The following PPARGC1B variants were observed in gnomAD, a reference collection of about 807,000 sequenced individuals.
PPARGC1B encodes the protein PPARG coactivator 1 beta, also known as peroxisome proliferator-activated receptor gamma coactivator 1-beta.
Under a neutral mutation model 101.6 loss-of-function variants are expected in PPARGC1B, and 34 were observed. The observed-to-expected ratio is 0.33, with a 90% confidence interval of 0.25 to 0.45. PPARGC1B has a LOEUF of 0.45. PPARGC1B is among the 20% of genes least tolerant of loss of function. PPARGC1B has a pLI of 1.00. For synonymous variants in PPARGC1B, 548 were observed against 539.3 expected, an observed-to-expected ratio of 1.02 and a Z score of -0.22; for missense variants, 1,234 against 1,317.6, an observed-to-expected ratio of 0.94 and a Z score of 0.98.
chr5:149,740,815 T>C (rs1053730915), intron 1 of PPARGC1B, among the ~76,000 whole-genome samples: 1 of 152,200 alleles, frequency 6.6e-6, no homozygotes, highest in Non-Finnish European at 1.5e-5. Flanking sequence ...ACCTGACATA[T>C]AGTAAGCGCT....
chr5:149,741,078 G>C (rs745371281), intron 1 of PPARGC1B, among the ~76,000 whole-genome samples: 7 of 152,152 alleles, frequency 4.6e-5, no homozygotes, highest in African/African-American at 9.7e-5. Flanking sequence ...GGACTCAACT[G>C]TCTGGGACCC....
intron 4 of PPARGC1B, 148 bp downstream of exon 4, chr5:149,831,031 T>G: frequency 1.5e-6 from 1 of 668,898 alleles, no homozygotes; most frequent in Non-Finnish European, 2.7e-6. Context: ...TGGGCACTGC[T>G]TCTGGAGATC....
chr5:149,792,596 T>C (rs1260977331), intron 1 of PPARGC1B, among the ~76,000 whole-genome samples: 1 of 152,230 alleles, frequency 6.6e-6, no homozygotes, highest in Non-Finnish European at 1.5e-5. Flanking sequence ...TTTGCTTCTC[T>C]TTTAAATCTT....
chr5:149,773,345 G>C (rs1288052209), intron 1 of PPARGC1B, among the ~76,000 whole-genome samples: 1 of 152,380 alleles, frequency 6.6e-6, no homozygotes, highest in East Asian at 1.9e-4. Context: ...CTGCCGGCCT[G>C]TCTGCCATGT....
intron 1 of PPARGC1B, among the ~76,000 whole-genome samples, chr5:149,748,552 C>G (rs896279637): frequency 6.6e-6 from 1 of 152,132 alleles, no homozygotes; most frequent in Non-Finnish European, 1.5e-5. Flanking sequence ...CCTGGATGAA[C>G]AGATCTGCTG....
rs138687910 is a variant in PPARGC1B, at chr5:149,829,949, C to T, written c.466-818C>T. 3.2e-3 allele frequency among the ~76,000 whole-genome samples: 451 copies of T among 143,132 alleles called. 3 individuals carry two copies. The highest frequency in any genetic ancestry group is 0.011 in the African/African-American group (411 of 38,344). 93.9% of individuals were successfully genotyped at this position (143,132 alleles called of 152,430 possible). A position where few individuals can be genotyped will look rare whatever the true frequency, so the allele number is the denominator to read the frequency against. On this transcript the variant is annotated intron_variant, in intron 3 of 11. Coordinates refer to ENST00000309241, the MANE Select transcript of PPARGC1B (RefSeq NM_133263.4). The stretch of plus-strand genomic sequence containing the variant: ...ACTTGGGAGGCTGAGGCAGGAGAAT[C>T]GCTTGAACCCGTGAGGTGGAGGTTG...
intron 1 of PPARGC1B, among the ~76,000 whole-genome samples, chr5:149,770,763 TC>T (rs765437673): frequency 6.6e-6 from 1 of 151,602 alleles, no homozygotes; most frequent in Non-Finnish European, 1.5e-5. Flanking sequence ...GCCCAGGAGT[TC>T]GAGGCTTCAG....
intron 1 of PPARGC1B, among the ~76,000 whole-genome samples, chr5:149,775,072 T>C (rs1335713462): frequency 6.6e-6 from 1 of 152,074 alleles, no homozygotes; most frequent in Non-Finnish European, 1.5e-5. Flanking sequence ...GCTGTGTTCA[T>C]TGGCAGCTGA....
At chr5:149,754,121 A>G (rs1755420987) in intron 1 of PPARGC1B, among the ~76,000 whole-genome samples, 1 of 152,258 alleles carries the variant, frequency 6.6e-6, no homozygotes, top group African/African-American at 2.4e-5. Context: ...ACAGCATGTT[A>G]TTAGACTTCG....
intron 1 of PPARGC1B, among the ~76,000 whole-genome samples, chr5:149,765,754 G>T (rs547315053): frequency 1.3e-5 from 2 of 151,712 alleles, no homozygotes; most frequent in African/African-American, 4.8e-5. Flanking sequence ...CCAGCTACTC[G>T]GGAGGCTGAG....
At chr5:149,801,076 G>A (rs1757414066) in intron 1 of PPARGC1B, among the ~76,000 whole-genome samples, 1 of 152,136 alleles carries the variant, frequency 6.6e-6, no homozygotes, top group African/African-American at 2.4e-5. Flanking sequence ...TAGGGGATGA[G>A]GAGAGAGAGA....
At chr5:149,768,133 A>G (rs1755987089) in intron 1 of PPARGC1B, among the ~76,000 whole-genome samples, 1 of 152,080 alleles carries the variant, frequency 6.6e-6, no homozygotes, top group Admixed American at 6.6e-5. Flanking sequence ...AGGATGTTGG[A>G]AATAGAAGCA....
At chr5:149,830,258 T>C (rs1052700911) in intron 3 of PPARGC1B, among the ~76,000 whole-genome samples, 1 of 151,270 alleles carries the variant, frequency 6.6e-6, no homozygotes, top group Non-Finnish European at 1.5e-5. Context: ...TTTTTTTTTT[T>C]AATCATTTAC....
intron 1 of PPARGC1B, among the ~76,000 whole-genome samples, chr5:149,755,164 C>T (rs1755471432): frequency 6.6e-6 from 1 of 151,280 alleles, no homozygotes; most frequent in South Asian, 2.1e-4. Context: ...CCACCTTGGC[C>T]TCCCAAAGTG....
intron 1 of PPARGC1B, among the ~76,000 whole-genome samples, chr5:149,806,110 C>T (rs1305881438): frequency 3.3e-5 from 5 of 152,324 alleles, no homozygotes; most frequent in South Asian, 4.1e-4. Flanking sequence ...TCTGGCCTGC[C>T]GAGGCCCCCA....
At chr5:149,796,320 C>A (rs1046012778) in intron 1 of PPARGC1B, among the ~76,000 whole-genome samples, 4 of 152,116 alleles carry the variant, frequency 2.6e-5, no homozygotes, top group African/African-American at 9.7e-5. Context: ...CAGTGACCAG[C>A]TATTGAGCTC....
chr5:149,826,742 G>T lies in PPARGC1B; in HGVS notation c.322G>T (p.Val108Leu). 6.2e-7 allele frequency: 1 copy of T among 1,614,116 alleles called. No homozygotes were observed. The highest frequency in any genetic ancestry group is 8.5e-7 in the Non-Finnish European group (1 of 1,179,992). Residue 108 changes from valine to leucine, a missense_variant, in exon 3 of 12, where the codon GTG becomes TTG. Val to Leu is a conservative substitution (Grantham distance 32, BLOSUM62 1). Around this residue, in one of 3 missense-constraint regions of PPARGC1B, gnomAD observed 734 missense variants for 768.4 expected, o/e 0.96. Coordinates refer to ENST00000309241, the MANE Select transcript of PPARGC1B (RefSeq NM_133263.4). Reference sequence around the variant, plus strand: ...CCTGGATGACATCCCTGAAGATGACGTGGGTCTGGCTGCCTTCCCAGCCCT... The same window carrying T: ...CCTGGATGACATCCCTGAAGATGACTTGGGTCTGGCTGCCTTCCCAGCCCT... ...KTLDDIPEDD[V>L]GLAAFPALDG...
chr5:149,835,604 C>T (rs113966346), intron 7 of PPARGC1B, among the ~76,000 whole-genome samples: 16 of 152,328 alleles, frequency 1.1e-4, no homozygotes, highest in East Asian at 5.8e-4. Flanking sequence ...CGTGAGCCAC[C>T]GCACCCAGCC....
intron 1 of PPARGC1B, among the ~76,000 whole-genome samples, chr5:149,776,560 C>T (rs1231906742): frequency 1.3e-5 from 2 of 152,048 alleles, no homozygotes; most frequent in African/African-American, 2.4e-5. Flanking sequence ...GGTTGGCATT[C>T]GTTGAACTAG....
Sources: gnomAD v4.1 joint callset for allele counts (sites outside exome capture counted in the v4.1 genomes callset) on GRCh38, gnomAD v4.1.1 for gene constraint, gnomAD v4.1.1 regional missense constraint, MANE v1.5 for transcripts, NCBI Gene and HGNC (gene_info 2026-07-23, HGNC 2026-07-21) for gene names.